The following PRKDC variants were observed in gnomAD, a reference collection of about 807,000 sequenced individuals.
PRKDC encodes the protein protein kinase, DNA-activated, catalytic subunit, also known as DNA-dependent protein kinase catalytic subunit.
Under a neutral mutation model 486.9 loss-of-function variants are expected in PRKDC, and 82 were observed. The observed-to-expected ratio is 0.17, with a 90% CI of 0.14 to 0.20. The LOEUF is 0.20. Among genes scored for constraint, PRKDC ranks in the 10% least tolerant of loss-of-function variants. The pLI, the probability that PRKDC is intolerant of heterozygous loss-of-function variation, is 1.00. For synonymous variants in PRKDC, 1,895 were observed against 1,837.0 expected, an observed-to-expected ratio of 1.03 and a Z score of -0.81; for missense variants, 4,504 against 5,038.2, an observed-to-expected ratio of 0.89 and a Z score of 3.21.
At chr8:47,792,743 T>C (rs939635965) in intron 74 of PRKDC, among the ~76,000 whole-genome samples, 4 of 152,130 alleles carry the variant, frequency 2.6e-5, no homozygotes, top group South Asian at 2.1e-4. Context: ...ACACCTACTA[T>C]GTACCCATAA....
Position 47,881,991 on chromosome 8 carries a change from T to A in PRKDC, c.4883A>T (p.Lys1628Met), listed in dbSNP as rs748474858. Residue 1628 changes from lysine to methionine, a missense_variant, in exon 37 of 86, where the codon AAG becomes ATG. Physicochemically the swap from Lys to Met is moderately conservative, Grantham distance 95. Transcript: ENST00000314191. The part of the protein sequence containing the change: ...LATTILQHWK[K>M]CDSWWAKDSP... Reference sequence around the variant, plus strand: ...ATCTTTGGCCCACCATGAATCACACTTCTTCCAGTGTTGCAGAATTGTAGT... The same window carrying A: ...ATCTTTGGCCCACCATGAATCACACATCTTCCAGTGTTGCAGAATTGTAGT... 3.2e-5 allele frequency: 51 copies of A among 1,613,970 alleles called. No individual in the cohort carries two copies. The highest frequency in any genetic ancestry group is 4.3e-5 in the Non-Finnish European group (51 of 1,179,918).
chr8:47,916,151 T>C (rs996785681), intron 22 of PRKDC, among the ~76,000 whole-genome samples: 1 of 152,132 alleles, frequency 6.6e-6, no homozygotes, highest in Non-Finnish European at 1.5e-5. Flanking sequence ...ACCAATCTTA[T>C]TAGAAAAAAA....
chr8:47,870,337 CACAG>C (rs1351304139), intron 40 of PRKDC, among the ~76,000 whole-genome samples: 2 of 152,170 alleles, frequency 1.3e-5, no homozygotes, highest in South Asian at 2.1e-4. Context: ...AGGTAATCAG[CACAG>C]ACAGAGAGAC....
chr8:47,804,874 G>C (rs532878259), intron 69 of PRKDC, among the ~76,000 whole-genome samples: 1 of 152,236 alleles, frequency 6.6e-6, no homozygotes, highest in Admixed American at 6.5e-5. Flanking sequence ...CGATTCTCCT[G>C]CCTCAGCCTC....
rs189549952 is a variant in PRKDC, at chr8:47,851,637, T to G, written c.7005+1036A>C. Among the ~76,000 whole-genome samples, 1,044 of 152,160 alleles carry G rather than the reference T, an allele frequency of 6.9e-3. 9 individuals are homozygous for G. The highest frequency in any genetic ancestry group is 0.025 in the South Asian group (121 of 4,824). ...TTTCAGGAGAGTAACTGAGCTGGGG[T>G]TGCAAACTGGAGAATCATGAACATA... On this transcript the variant is annotated intron_variant, in intron 52 of 85. Transcript: ENST00000314191.
Position 47,959,955 on chromosome 8 carries a change from G to A in PRKDC, c.154+18C>T, listed in dbSNP as rs970459273. On this transcript the variant is annotated intron_variant, in intron 1 of 85. Transcript: ENST00000314191. ...GAAGCCAGGACCCACCCGCGGCCCA[G>A]CTCGGGCCGGTACCCACCCAGCACC... 3.4e-6 allele frequency: 5 copies of A among 1,484,294 alleles called. No homozygotes were observed. The African/African-American group carries it at 4.2e-5, about 12-fold the overall frequency. 91.9% of individuals were successfully genotyped at this position (1,484,294 alleles called of 1,614,324 possible). A position where few individuals can be genotyped will look rare whatever the true frequency, so the allele number is the denominator to read the frequency against.
At chr8:47,834,686 C>CTTA (rs1319694640) in intron 58 of PRKDC, among the ~76,000 whole-genome samples, 1 of 96,778 alleles carries the variant, frequency 1.0e-5, no homozygotes, top group Admixed American at 1.2e-4. Context: ...GAACCCCTGA[C>CTTA]TTTTTTTTTT....
intron 69 of PRKDC, among the ~76,000 whole-genome samples, chr8:47,804,781 A>C (rs1234780067): frequency 1.3e-5 from 2 of 151,788 alleles, no homozygotes; most frequent in Non-Finnish European, 2.9e-5. Context: ...TTTGTTTTTG[A>C]GGCAAAGTTT....
chr8:47,802,641 C>T (rs2087133506), intron 70 of PRKDC, among the ~76,000 whole-genome samples: 1 of 151,282 alleles, frequency 6.6e-6, no homozygotes, highest in African/African-American at 2.4e-5. Context: ...CCACGCCCGG[C>T]TAGTTTTTGT....
chr8:47,844,776 C>G (rs1261850374), intron 54 of PRKDC, among the ~76,000 whole-genome samples: 3 of 152,142 alleles, frequency 2.0e-5, no homozygotes, highest in Admixed American at 2.0e-4. Context: ...ACAACCTACT[C>G]CTAAATGACT....
chr8:47,892,434 G>A (rs990780777), intron 31 of PRKDC, among the ~76,000 whole-genome samples: 4 of 151,976 alleles, frequency 2.6e-5, no homozygotes, highest in Non-Finnish European at 4.4e-5. Flanking sequence ...AGGCTCAAGC[G>A]ATCCTCCCAC....
At chr8:47,945,470 C>A (rs1192034594) in intron 7 of PRKDC, among the ~76,000 whole-genome samples, 1 of 152,208 alleles carries the variant, frequency 6.6e-6, no homozygotes, top group Non-Finnish European at 1.5e-5. Flanking sequence ...TCTGACTACT[C>A]TAAGTACCTC....
At chr8:47,827,913 C>T (rs1269256423) in intron 62 of PRKDC, among the ~76,000 whole-genome samples, 2 of 152,200 alleles carry the variant, frequency 1.3e-5, no homozygotes, top group East Asian at 3.8e-4. Context: ...ATCAAAAACA[C>T]TGAAGGGACT....
chr8:47,869,077 A>G (rs1476375150), intron 40 of PRKDC, among the ~76,000 whole-genome samples: 1 of 152,130 alleles, frequency 6.6e-6, no homozygotes, highest in South Asian at 2.1e-4. Flanking sequence ...GGTCCCAAAC[A>G]AACTTGAAAA....
At chr8:47,871,184 G>A (rs2088944734) in intron 40 of PRKDC, among the ~76,000 whole-genome samples, 1 of 152,144 alleles carries the variant, frequency 6.6e-6, no homozygotes, top group South Asian at 2.1e-4. Flanking sequence ...GATAATAACA[G>A]AGAACTTTCC....
intron 51 of PRKDC, among the ~76,000 whole-genome samples, 170 bp from the exon 52 acceptor site, chr8:47,852,954 A>G (rs2088444911): frequency 6.6e-6 from 1 of 152,220 alleles, no homozygotes; most frequent in East Asian, 1.9e-4. Flanking sequence ...GCATGTACGT[A>G]AGGGTGCCCG....
chr8:47,791,696 A>T (rs1197349098), intron 74 of PRKDC, among the ~76,000 whole-genome samples: 1 of 152,184 alleles, frequency 6.6e-6, no homozygotes, highest in African/African-American at 2.4e-5. Context: ...TCTCACCCCC[A>T]GCAATAACGA....
chr8:47,855,947 C>G (rs886992984), intron 49 of PRKDC, among the ~76,000 whole-genome samples: 2 of 152,198 alleles, frequency 1.3e-5, no homozygotes, highest in African/African-American at 4.8e-5. Context: ...AGCTTCACGG[C>G]AACCTTTCTG....
chr8:47,839,153 T>A lies in PRKDC; in HGVS notation c.7548A>T (p.Gly2516=), dbSNP rs1409432722. ...CAGCCCAGTTATTCACGTACTGAAGTCCAGGGTTCTCATCGATCAATCCTT... is the reference window on the plus strand; with the variant it reads ...CAGCCCAGTTATTCACGTACTGAAGACCAGGGTTCTCATCGATCAATCCTT... ...LIQGLIDENP[G]LQLIIRNFWS... The change falls in exon 56 of 86, where the codon GGA becomes GGT. Residue 2516 remains glycine, a synonymous_variant. Coordinates refer to ENST00000314191, the MANE Select transcript of PRKDC (RefSeq NM_006904.7). The A allele has an allele frequency of 1.2e-6, 2 of 1,611,516 alleles. No individual in the cohort carries two copies. The highest frequency in any genetic ancestry group is 4.5e-5 in the East Asian group (2 of 44,874).
Sources: gnomAD v4.1 joint callset for allele counts (sites outside exome capture counted in the v4.1 genomes callset) on GRCh38, gnomAD v4.1.1 for gene constraint, MANE v1.5 for transcripts, NCBI Gene and HGNC (gene_info 2026-07-23, HGNC 2026-07-21) for gene names.